Variants in OSBPL11 observed in about 807,000 individuals in gnomAD.
OSBPL11 encodes the protein oxysterol-binding protein-related protein 11.
In OSBPL11, 33 loss-of-function variants were observed where a neutral mutation model predicts 84.4. The ratio of observed to expected loss-of-function variants is 0.39; its 90% CI spans 0.30 to 0.52. The LOEUF is 0.52. Among genes scored for constraint, OSBPL11 ranks in the 20% least tolerant of loss-of-function variants. OSBPL11 has a pLI of 0.72. For synonymous variants in OSBPL11, 276 were observed against 310.2 expected (o/e 0.89, Z 1.16); for missense variants, 736 against 901.1 (o/e 0.82, Z 2.35).
chr3:125,595,431 C>T lies in OSBPL11; in HGVS notation c.-631G>A, dbSNP rs895783789. 2.0e-5 allele frequency among the ~76,000 whole-genome samples: 3 copies of T among 152,176 alleles called. No homozygotes were observed. The highest frequency in any genetic ancestry group is 7.2e-5 in the African/African-American group (3 of 41,444). On this transcript the variant is annotated 5_prime_UTR_variant, in exon 1 of 13. Transcript: ENST00000296220. The stretch of plus-strand genomic sequence containing the variant: ...ACAACTTCCTCTTATGCCCCTGGCC[C>T]GGGCCCTCGACTGGGTTCCCAGGAG...
At chr3:125,586,693 T>C (rs1243011782) in intron 1 of OSBPL11, among the ~76,000 whole-genome samples, 3 of 151,962 alleles carry the variant, frequency 2.0e-5, no homozygotes, top group African/African-American at 2.4e-5. Context: ...CTTTTTCTAT[T>C]TGTAGTAGAG....
In OSBPL11 at chr3:125,564,595, T is replaced by C. The variant is rs75546220; in HGVS notation, c.869-752A>G. ...GTTTCACAGAAGCTTGGTTATAGAG[T>C]GCTATAATAAGGGATGCTCAGACTA... On this transcript the variant is annotated intron_variant, in intron 6 of 12. Transcript: ENST00000296220. 9.0e-3 allele frequency among the ~76,000 whole-genome samples: 1,364 copies of C among 152,058 alleles called. 9 individuals carry two copies. Among genetic ancestry groups the C allele is most frequent in the Non-Finnish European group, 0.013 (898 of 67,988 alleles).
chr3:125,559,992 T>C (rs1462310748), intron 8 of OSBPL11, among the ~76,000 whole-genome samples: 1 of 150,808 alleles, frequency 6.6e-6, no homozygotes, highest in Non-Finnish European at 1.5e-5. Flanking sequence ...CCAGGTGCAA[T>C]GGCTCACGCC....
Position 125,550,371 on chromosome 3 carries a change from TCACACACACACA to T in OSBPL11, c.1654+1798_1654+1809del, listed in dbSNP as rs58412964. Among the ~76,000 whole-genome samples the T allele has an allele frequency of 3.2e-4, 42 of 132,266 alleles. No homozygotes were observed. In the South Asian group the frequency reaches 7.0e-3, roughly 22 times the overall value. 86.8% of individuals were successfully genotyped at this position (132,266 alleles called of 152,430 possible). ...ACCTGGGCGACACAGCTAGACCGTGTCACACACACACACACACACACACACACACACACACAA... is the reference window on the plus strand; with the variant it reads ...ACCTGGGCGACACAGCTAGACCGTGTCACACACACACACACACACACACAA... On this transcript the variant is annotated intron_variant, in intron 9 of 12. Transcript: ENST00000296220.
At chr3:125,574,395 T>C (rs755751382) in intron 5 of OSBPL11, among the ~76,000 whole-genome samples, 36 of 151,906 alleles carry the variant, frequency 2.4e-4, no homozygotes, top group Non-Finnish European at 5.0e-4. Flanking sequence ...GGGAAGTACA[T>C]ATAAAGCACT....
intron 10 of OSBPL11, among the ~76,000 whole-genome samples, chr3:125,544,070 A>AT (rs35835902): frequency 0.06 from 8,226 of 136,780 alleles, 355 homozygotes; most frequent in African/African-American, 0.11. Context: ...ATGAACCAAG[A>AT]TTTTTTTTTT....
intron 1 of OSBPL11, among the ~76,000 whole-genome samples, chr3:125,591,868 T>C (rs950801003): frequency 3.3e-5 from 5 of 152,078 alleles, no homozygotes; most frequent in Non-Finnish European, 4.4e-5. Flanking sequence ...CTGGGCATGG[T>C]GGTGTACACC....
intron 8 of OSBPL11, among the ~76,000 whole-genome samples, chr3:125,556,825 T>G (rs1196867375): frequency 6.6e-6 from 1 of 152,144 alleles, no homozygotes; most frequent in Admixed American, 6.5e-5. Flanking sequence ...GTCAAGTAAA[T>G]TGTTTTATGG....
intron 10 of OSBPL11, among the ~76,000 whole-genome samples, chr3:125,544,228 G>C (rs1249166984): frequency 6.6e-6 from 1 of 151,886 alleles, no homozygotes; most frequent in Non-Finnish European, 1.5e-5. Flanking sequence ...GCTATTTTTT[G>C]TATTTTTAGT....
Position 125,595,096 on chromosome 3 carries a change from C to T in OSBPL11, c.-296G>A, listed in dbSNP as rs537131807. The T allele has an allele frequency of 7.0e-6, 2 of 286,178 alleles. No individual in the cohort carries two copies. The highest frequency in any genetic ancestry group is 1.4e-4 in the East Asian group (2 of 14,302). The allele number at this position is 286,178 out of a possible 1,614,324, so 17.7% of individuals were successfully genotyped here. ...CCGGCGAGAAGACTTAAGTGACATA[C>T]TCAAAAGAGAAGGAGTGTGGGGAGG... is the stretch of plus-strand genomic sequence containing the variant. On this transcript the variant is annotated 5_prime_UTR_variant, in exon 1 of 13. Transcript: ENST00000296220.
chr3:125,540,903 G>C (rs1935720520), intron 10 of OSBPL11, among the ~76,000 whole-genome samples: 1 of 152,198 alleles, frequency 6.6e-6, no homozygotes, highest in African/African-American at 2.4e-5. Flanking sequence ...AGGAGCATGA[G>C]GAGGAGGAAG....
intron 5 of OSBPL11, among the ~76,000 whole-genome samples, chr3:125,574,281 A>G (rs1298571079): frequency 1.3e-5 from 2 of 152,158 alleles, no homozygotes; most frequent in African/African-American, 4.8e-5. Context: ...AAAAAAAAAA[A>G]AAAGCCAATT....
intron 9 of OSBPL11, among the ~76,000 whole-genome samples, chr3:125,548,245 T>A (rs1935849205): frequency 6.6e-6 from 1 of 152,174 alleles, no homozygotes; most frequent in African/African-American, 2.4e-5. Context: ...TAAAATTTTA[T>A]CATTAGTATG....
chr3:125,579,771 T>G, intron 3 of OSBPL11, 94 bp downstream of exon 3: 1 of 1,110,812 alleles, frequency 9.0e-7, no homozygotes, highest in Non-Finnish European at 1.3e-6. Flanking sequence ...TGACAGCAGT[T>G]TCTATTTCCA....
chr3:125,547,522 A>C lies in OSBPL11; in HGVS notation c.1725T>G (p.Ile575Met). The C allele has an allele frequency of 6.2e-7, 1 of 1,613,972 alleles. No homozygotes were observed. Among genetic ancestry groups the C allele is most frequent in the Non-Finnish European group, 8.5e-7 (1 of 1,179,840 alleles). Residue 575 changes from isoleucine (I) to methionine (M), a missense_variant, in exon 10 of 13, where the codon ATT (isoleucine) becomes ATG (methionine). This residue lies in a region of OSBPL11 where 579 missense variants were observed against 717.6 expected (regional missense o/e 0.81). Coordinates refer to ENST00000296220, the MANE Select transcript of OSBPL11 (RefSeq NM_022776.5). Reference sequence around the variant, plus strand: ...CCAGTTCTACCCAAGGAACAGTCAAAATTGACCGAGCATATGCACAGGGTA... The same window carrying C: ...CCAGTTCTACCCAAGGAACAGTCAACATTGACCGAGCATATGCACAGGGTA... ...FSLPCAYARS[I>M]LTVPWVELGG...
chr3:125,557,237 G>A (rs560574025), intron 8 of OSBPL11, among the ~76,000 whole-genome samples: 5 of 152,158 alleles, frequency 3.3e-5, no homozygotes, highest in Non-Finnish European at 7.4e-5. Context: ...CTAGGACCAT[G>A]GTTATCTTAT....
Position 125,531,958 on chromosome 3 carries a change from G to A in OSBPL11, c.2081C>T (p.Thr694Ile), listed in dbSNP as rs1935563948. The change falls in exon 12 of 13, where the codon ACA (threonine) becomes ATA (isoleucine). Residue 694 changes from threonine (T) to isoleucine (I), a missense_variant. By Grantham distance (89) the Thr-to-Ile change is moderately conservative. Around this residue, in one of 3 missense-constraint regions of OSBPL11, gnomAD observed 579 missense variants for 717.6 expected, o/e 0.81. Coordinates refer to ENST00000296220, the MANE Select transcript of OSBPL11 (RefSeq NM_022776.5). ...TTCTTCCAGGGTATGCTTATGCTCT[G>A]TGGCCTTATCAATTTCAGATTCTCT... ...SLRESEIDKA[T>I]EHKHTLEERQ... 1 of 1,613,230 alleles carries A rather than the reference G, an allele frequency of 6.2e-7. No individual in the cohort carries two copies. Among genetic ancestry groups the A allele is most frequent in the Non-Finnish European group, 8.5e-7 (1 of 1,179,872 alleles).
intron 1 of OSBPL11, among the ~76,000 whole-genome samples, chr3:125,587,378 T>C (rs1178225707): frequency 6.6e-6 from 1 of 152,184 alleles, no homozygotes; most frequent in Non-Finnish European, 1.5e-5. Context: ...TGCAGGACTA[T>C]ACAGGGAGAT....
chr3:125,576,002 C>T (rs888189198), intron 5 of OSBPL11, among the ~76,000 whole-genome samples, 187 bp downstream of exon 5: 2 of 149,358 alleles, frequency 1.3e-5, no homozygotes, highest in Non-Finnish European at 3.0e-5. Context: ...TAGTACGTGA[C>T]AGACATGAGG....
Sources: allele counts gnomAD v4.1 joint callset (sites outside exome capture counted in the v4.1 genomes callset), GRCh38; gene constraint gnomAD v4.1.1; regional missense constraint gnomAD v4.1.1; transcripts MANE v1.5; gene names NCBI Gene and HGNC (gene_info 2026-07-23, HGNC 2026-07-21).